EXOSC10: variants seen among roughly 807,000 people sequenced by gnomAD.
EXOSC10 encodes the protein exosome component 10.
A neutral mutation model predicts 126.6 loss-of-function variants in EXOSC10; 94 were observed. The ratio of observed to expected loss-of-function variants is 0.74; its 90% CI spans 0.63 to 0.88. EXOSC10 has a LOEUF of 0.88. Ranked by LOEUF, EXOSC10 falls within the 40% of genes least tolerant of loss-of-function variation. The probability of loss-of-function intolerance (pLI) is 0.00; values close to 1 mark genes in which losing one functional copy is unlikely to be tolerated. For missense variants in EXOSC10, 1,041 were observed against 1,100.5 expected (o/e 0.95, Z 0.77); for synonymous variants, 395 against 400.8 (o/e 0.99, Z 0.17).
chr1:11,068,403 C>G, intron 23 of EXOSC10: 1 of 594,868 alleles, frequency 1.7e-6, no homozygotes, highest in Non-Finnish European at 3.0e-6. Flanking sequence ...TGGCCTGCAG[C>G]TATAGTTCCC....
chr1:11,069,513 C>G, intron 22 of EXOSC10, 46 bp downstream of exon 22: 1 of 1,590,772 alleles, frequency 6.3e-7, no homozygotes. Context: ...TTCCTCCCCT[C>G]TGACGCGCAC....
intron 3 of EXOSC10, among the ~76,000 whole-genome samples, chr1:11,093,841 G>GGGGATTGTTTGAGGCC (rs1553168068): frequency 1.3e-5 from 2 of 152,138 alleles, no homozygotes; most frequent in African/African-American, 4.8e-5. Flanking sequence ...TGAGGTGGGG[G>GGGGATTGTTTGAGGCC]GGGATTGTTT....
chr1:11,091,366 G>T, intron 4 of EXOSC10, 127 bp downstream of exon 4: 1 of 971,982 alleles, frequency 1.0e-6, no homozygotes, highest in Non-Finnish European at 1.5e-6. Context: ...GTATGTTTAT[G>T]AGAACAAACT....
chr1:11,070,825 G>A, intron 21 of EXOSC10, 75 bp downstream of exon 21: 1 of 1,329,214 alleles, frequency 7.5e-7, no homozygotes, highest in Non-Finnish European at 1.1e-6. Context: ...AGCCCCCTAA[G>A]ATATCCAAGG....
chr1:11,087,687 T>C (rs1640570629), intron 8 of EXOSC10, 96 bp from the exon 9 acceptor site: 6 of 1,520,110 alleles, frequency 3.9e-6, no homozygotes, highest in African/African-American at 1.4e-5. Flanking sequence ...AGCTAAGTTA[T>C]ATGATTAATT....
chr1:11,082,733 T>A lies in EXOSC10; in HGVS notation c.1235A>T (p.Asn412Ile). The change falls in exon 10 of 25, where the codon AAC (asparagine) becomes ATC (isoleucine). Residue 412 changes from asparagine to isoleucine, a missense_variant. Transcript: ENST00000376936. ...SLDHLLKLYC[N>I]VDSNKQYQLA... ...CTGATATTGCTTGTTTGAGTCCACGTTGCAGTAGAGTTTCAGGAGATGATC... is the reference window on the plus strand; with the variant it reads ...CTGATATTGCTTGTTTGAGTCCACGATGCAGTAGAGTTTCAGGAGATGATC... The A allele has an allele frequency of 1.2e-6, 2 of 1,614,234 alleles. No individual in the cohort carries two copies. The highest frequency in any genetic ancestry group is 1.1e-5 in the South Asian group (1 of 91,088).
intron 5 of EXOSC10, 91 bp from the exon 6 acceptor site, chr1:11,090,759 CTTT>C: frequency 1.1e-6 from 1 of 908,466 alleles, no homozygotes; most frequent in Non-Finnish European, 1.6e-6. Flanking sequence ...TGTTTTTTGG[CTTT>C]TTTTTTTGAG....
chr1:11,068,656 G>A lies in EXOSC10; in HGVS notation c.2539C>T (p.Pro847Ser). The A allele has an allele frequency of 4.3e-6, 7 of 1,614,128 alleles. No homozygotes were observed. Among genetic ancestry groups the A allele is most frequent in the Non-Finnish European group, 5.9e-6 (7 of 1,179,958 alleles). ...GGAGCAGTTCTTACCTTGCCAGACGGGGTCTGTTTATTTGGATCAAACTGA... is the reference window on the plus strand; with the variant it reads ...GGAGCAGTTCTTACCTTGCCAGACGAGGTCTGTTTATTTGGATCAAACTGA... Reference protein sequence around the residue: ...SSQFDPNKQTPSGKKCIAAKK... With the variant: ...SSQFDPNKQTSSGKKCIAAKK... Residue 847 changes from proline to serine, a missense_variant, in exon 23 of 25, where the codon CCG (proline) becomes TCG (serine). Coordinates refer to ENST00000376936, the MANE Select transcript of EXOSC10 (RefSeq NM_001001998.3).
At chr1:11,067,193 A>T (rs1297224117) in intron 24 of EXOSC10, among the ~76,000 whole-genome samples, 1 of 152,196 alleles carries the variant, frequency 6.6e-6, no homozygotes. Flanking sequence ...GCACTGTGGG[A>T]GGCCGAGGCG....
intron 14 of EXOSC10, 45 bp downstream of exon 14, chr1:11,079,666 T>C (rs1640033827): frequency 5.3e-6 from 8 of 1,523,202 alleles, no homozygotes; most frequent in Non-Finnish European, 7.2e-6. Context: ...AGTGCTGAGA[T>C]TATAGGCGTG....
Position 11,087,820 on chromosome 1 carries a change from C to T in EXOSC10, c.925G>A (p.Glu309Lys). The change falls in exon 8 of 25, where the codon GAA becomes AAA. Residue 309 changes from glutamate (E) to lysine (K), a missense_variant. By Grantham distance (56) the Glu-to-Lys change is moderately conservative. Coordinates refer to ENST00000376936, the MANE Select transcript of EXOSC10 (RefSeq NM_001001998.3). ...ELNEKLLNCQEFAVDLEHHSY... is the reference protein window; with the variant it reads ...ELNEKLLNCQKFAVDLEHHSY... ...GATACCTCCAAGTCAACTGCAAATT[C>T]CTGACAATTCAAGAGCTTTTCGTTG... 1 of 1,612,696 alleles carries T rather than the reference C, an allele frequency of 6.2e-7. No homozygotes were observed. Among genetic ancestry groups the T allele is most frequent in the South Asian group, 1.1e-5 (1 of 90,492 alleles).
At chr1:11,073,854 G>T in intron 19 of EXOSC10, 80 bp downstream of exon 19, 1 of 1,081,784 alleles carries the variant, frequency 9.2e-7, no homozygotes, top group East Asian at 2.8e-5. Flanking sequence ...CTCCAGCCTG[G>T]GTGACAAAGC....
chr1:11,069,947 G>A (rs1455727508), intron 21 of EXOSC10, among the ~76,000 whole-genome samples: 1 of 152,172 alleles, frequency 6.6e-6, no homozygotes, highest in East Asian at 1.9e-4. Flanking sequence ...TTTAAGAAAG[G>A]CAAGCAGGCC....
chr1:11,099,527 G>T, intron 1 of EXOSC10, 194 bp downstream of exon 1: 1 of 538,540 alleles, frequency 1.9e-6, no homozygotes, highest in Non-Finnish European at 3.1e-6. Context: ...TCGCAAGCGG[G>T]ACGCCCCTCA....
Position 11,068,035 on chromosome 1 carries a change from A to G in EXOSC10, c.2600T>C (p.Met867Thr), listed in dbSNP as rs1639214269. 6.2e-7 allele frequency: 1 copy of G among 1,614,168 alleles called. No individual in the cohort carries two copies. Among genetic ancestry groups the G allele is most frequent in the Non-Finnish European group, 8.5e-7 (1 of 1,180,006 alleles). ...GTCTGACTTTCCAGTTGGAAAGGAC[A>G]TGCTTTTGTTTCCCACCGACTGTTT... ...KIKQSVGNKS[M>T]SFPTGKSDRG... The change falls in exon 24 of 25, where the codon ATG (methionine) becomes ACG (threonine). Residue 867 changes from methionine to threonine, a missense_variant. By Grantham distance (81) the Met-to-Thr change is moderately conservative. Coordinates refer to ENST00000376936, the MANE Select transcript of EXOSC10 (RefSeq NM_001001998.3).
At chr1:11,084,945 T>C (rs753077572) in intron 9 of EXOSC10, among the ~76,000 whole-genome samples, 1 of 152,204 alleles carries the variant, frequency 6.6e-6, no homozygotes, top group Non-Finnish European at 1.5e-5. Flanking sequence ...TGTAGATATA[T>C]GGCGTTATTT....
intron 14 of EXOSC10, among the ~76,000 whole-genome samples, chr1:11,079,024 C>G (rs1639986227): frequency 6.6e-6 from 1 of 152,080 alleles, no homozygotes; most frequent in African/African-American, 2.4e-5. Context: ...GAATAAGACA[C>G]TAGCAGAAAA....
At chr1:11,084,423 C>A (rs1015620328) in intron 9 of EXOSC10, among the ~76,000 whole-genome samples, 2 of 152,168 alleles carry the variant, frequency 1.3e-5, no homozygotes, top group African/African-American at 4.8e-5. Flanking sequence ...GCATAAATGT[C>A]TTCTTTTGAG....
intron 19 of EXOSC10, among the ~76,000 whole-genome samples, chr1:11,073,580 TC>T (rs1228687829): frequency 6.6e-6 from 1 of 151,950 alleles, no homozygotes; most frequent in Admixed American, 6.6e-5. Flanking sequence ...AATTAAGAAA[TC>T]CCCTTTTCTT....
Sources: allele counts gnomAD v4.1 joint callset (sites outside exome capture counted in the v4.1 genomes callset), GRCh38; gene constraint gnomAD v4.1.1; transcripts MANE v1.5; gene names NCBI Gene and HGNC (gene_info 2026-07-23, HGNC 2026-07-21).